Variants in TULP4 observed in about 807,000 individuals in gnomAD.
TULP4 encodes TUB like protein 4.
TULP4 carries 16 observed loss-of-function variants against 129.0 expected under a neutral mutation model. The ratio of observed to expected loss-of-function variants is 0.12; its 90% CI spans 0.08 to 0.19. The LOEUF (loss-of-function observed/expected upper bound fraction) is 0.19, where lower values mean the gene tolerates loss of function less well. Among genes scored for constraint, TULP4 ranks in the 10% least tolerant of loss-of-function variants. The pLI is 1.00. For missense variants in TULP4, 1,842 were observed against 2,059.1 expected (o/e 0.89, Z 2.04); for synonymous variants, 998 against 854.0 (o/e 1.17, Z -2.94).
intron 1 of TULP4, among the ~76,000 whole-genome samples, chr6:158,377,304 G>GT (rs1254064190): frequency 6.6e-6 from 1 of 152,174 alleles, no homozygotes; most frequent in Non-Finnish European, 1.5e-5. Context: ...CACCACATAG[G>GT]TATGATTTTA....
chr6:158,443,456 C>A (rs1778946314), intron 3 of TULP4, among the ~76,000 whole-genome samples: 1 of 152,078 alleles, frequency 6.6e-6, no homozygotes, highest in Non-Finnish European at 1.5e-5. Flanking sequence ...TCAGACTATT[C>A]TCTACTCCTA....
chr6:158,402,780 T>C (rs1173849214), intron 1 of TULP4, among the ~76,000 whole-genome samples: 1 of 152,222 alleles, frequency 6.6e-6, no homozygotes, highest in Non-Finnish European at 1.5e-5. Flanking sequence ...GCAGTTGATT[T>C]TGTAAAAGGT....
chr6:158,457,822 C>CCA (rs1159381232), intron 5 of TULP4, among the ~76,000 whole-genome samples: 2 of 152,086 alleles, frequency 1.3e-5, no homozygotes, highest in Non-Finnish European at 2.9e-5. Flanking sequence ...GTCATTGATG[C>CCA]CATCTGCTCC....
intron 8 of TULP4, 126 bp downstream of exon 8, chr6:158,481,415 A>G (rs1310450849): frequency 1.2e-6 from 1 of 818,956 alleles, no homozygotes; most frequent in Non-Finnish European, 2.0e-6. Flanking sequence ...AGTGTGGAAC[A>G]TCCTTGAAGC....
At chr6:158,429,313 A>T (rs1379613344) in intron 2 of TULP4, among the ~76,000 whole-genome samples, 1 of 152,100 alleles carries the variant, frequency 6.6e-6, no homozygotes, top group East Asian at 1.9e-4. Context: ...TCATTTTTGT[A>T]TTTTTAGTAG....
intron 1 of TULP4, among the ~76,000 whole-genome samples, chr6:158,323,640 G>T (rs1413494601): frequency 6.6e-6 from 1 of 152,192 alleles, no homozygotes; most frequent in Non-Finnish European, 1.5e-5. Flanking sequence ...GGCATAGTTG[G>T]TGGAGAAAAG....
chr6:158,396,907 C>T (rs1257987491), intron 1 of TULP4, among the ~76,000 whole-genome samples: 2 of 152,190 alleles, frequency 1.3e-5, no homozygotes, highest in Non-Finnish European at 2.9e-5. Context: ...GATGAGAGTG[C>T]AGCTGGAAGA....
In TULP4 at chr6:158,411,079, G is replaced by A. The variant is rs573540188; in HGVS notation, c.253-1986G>A. ...GGTGGCTCCAGCCGGTTGTCCTGGC[G>A]TACAAGGAGGCGAGGCTATGCGGTC... On this transcript the variant is annotated intron_variant, in intron 1 of 13. Transcript: ENST00000367097. Among the ~76,000 whole-genome samples, 9 of 146,250 alleles carry A rather than the reference G, an allele frequency of 6.2e-5. No individual in the cohort carries two copies. The South Asian group carries it at 1.1e-3, about 18-fold the overall frequency.
rs201158750 is a variant in TULP4, at chr6:158,365,402, A to AT, written c.253-47652dup. Among the ~76,000 whole-genome samples, 556 of 134,498 alleles carry AT rather than the reference A, an allele frequency of 4.1e-3. 4 individuals are homozygous for AT. Among genetic ancestry groups the AT allele is most frequent in the African/African-American group, 0.013 (465 of 36,966 alleles). 88.2% of individuals were successfully genotyped at this position (134,498 alleles called of 152,430 possible). Reference sequence around the variant, plus strand: ...CTACTGCCTGATTTTGTTTCTAAAAATTTTTTTTTTTCTGGTTATTTTTCT... The same window carrying AT: ...CTACTGCCTGATTTTGTTTCTAAAAATTTTTTTTTTTTCTGGTTATTTTTCT... On this transcript the variant is annotated intron_variant, in intron 1 of 13. Transcript: ENST00000367097.
intron 11 of TULP4, among the ~76,000 whole-genome samples, chr6:158,495,765 A>AG (rs1486561251): frequency 6.6e-6 from 1 of 151,750 alleles, no homozygotes; most frequent in Admixed American, 6.6e-5. Flanking sequence ...ACTTGAACCC[A>AG]GGGGGCGGAG....
At chr6:158,359,514 G>A (rs915171558) in intron 1 of TULP4, among the ~76,000 whole-genome samples, 2 of 152,188 alleles carry the variant, frequency 1.3e-5, no homozygotes, top group East Asian at 1.9e-4. Context: ...AGGGCAGGAA[G>A]CGTCCAGCAC....
rs559252325 is a variant in TULP4 at position 158,258,846 on chromosome 6, T to A, written n.68+26543T>A. Among the ~76,000 whole-genome samples, 14 of 152,346 alleles carry A rather than the reference T, an allele frequency of 9.2e-5. No individual in the cohort carries two copies. In the South Asian group the frequency reaches 2.9e-3, roughly 32 times the overall value. On this transcript the variant is annotated intron_variant and non_coding_transcript_variant, in intron 1 of 1. Coordinates refer to the TULP4 transcript ENST00000620026. ...ATAGCTTATTTTCACGTCAGCATTATTTGAGCTTAGAGAAATTGTGGCCAA... is the reference window on the plus strand; with the variant it reads ...ATAGCTTATTTTCACGTCAGCATTAATTGAGCTTAGAGAAATTGTGGCCAA...
At chr6:158,465,883 G>A (rs1251944402) in intron 6 of TULP4, among the ~76,000 whole-genome samples, 2 of 152,220 alleles carry the variant, frequency 1.3e-5, no homozygotes, top group Non-Finnish European at 2.9e-5. Context: ...TTAATCTACA[G>A]TTAGTTAAAG....
At chr6:158,258,592 C>T (rs1189356104) in intron 1 of TULP4, among the ~76,000 whole-genome samples, 1 of 152,154 alleles carries the variant, frequency 6.6e-6, no homozygotes, top group Non-Finnish European at 1.5e-5. Context: ...GTTAGAGACA[C>T]CACTCCAACA....
chr6:158,277,919 C>A (rs1308293520), upstream of TULP4, among the ~76,000 whole-genome samples: 1 of 152,198 alleles, frequency 6.6e-6, no homozygotes, highest in Non-Finnish European at 1.5e-5. Context: ...TGAGGCAACT[C>A]TGTTTCCTTC....
At position 158,509,723 on chromosome 6, in the gene TULP4, C is replaced by T. The variant is rs947493418; in HGVS notation, c.*3029C>T. The stretch of plus-strand genomic sequence containing the variant: ...TTGTATGAGTTTGTACCGGAGTGAC[C>T]CCGGCAGCCACTGCCCACCTCCCCT... On this transcript the variant is annotated 3_prime_UTR_variant, in exon 14 of 14. Coordinates refer to ENST00000367097, the MANE Select transcript of TULP4 (RefSeq NM_020245.5). The T allele has an allele frequency of 6.6e-6, 1 of 152,148 alleles. No individual in the cohort carries two copies. The highest frequency in any genetic ancestry group is 1.5e-5 in the Non-Finnish European group (1 of 68,042). The allele number at this position is 152,148 out of a possible 1,614,324, so 9.4% of individuals were successfully genotyped here.
intron 1 of TULP4, among the ~76,000 whole-genome samples, chr6:158,369,479 AAC>A (rs1425935310): frequency 6.6e-6 from 1 of 152,182 alleles, no homozygotes; most frequent in Non-Finnish European, 1.5e-5. Flanking sequence ...ATCCTTGGGC[AAC>A]AGAGTGAGAC....
chr6:158,479,650 A>G, intron 6 of TULP4, 101 bp from the exon 7 acceptor site: 1 of 1,108,582 alleles, frequency 9.0e-7, no homozygotes, highest in Non-Finnish European at 1.3e-6. Flanking sequence ...GTATTCTCAA[A>G]ACAGCTTATT....
chr6:158,343,739 AAGAC>A (rs1302448865), intron 1 of TULP4, among the ~76,000 whole-genome samples: 1 of 152,228 alleles, frequency 6.6e-6, no homozygotes, highest in African/African-American at 2.4e-5. Flanking sequence ...AGCCTGAACT[AAGAC>A]AGGCAGGAAA....
Sources: gnomAD v4.1 joint callset for allele counts (sites outside exome capture counted in the v4.1 genomes callset) on GRCh38, gnomAD v4.1.1 for gene constraint, MANE v1.5 for transcripts, NCBI Gene and HGNC (gene_info 2026-07-23, HGNC 2026-07-21) for gene names.